Variants in SLC2A8 observed in about 807,000 individuals in gnomAD.
SLC2A8 encodes solute carrier family 2 member 8.
A neutral mutation model predicts 49.2 loss-of-function variants in SLC2A8; 53 were observed. The observed-to-expected ratio is 1.08, with a 90% CI of 0.86 to 1.35. The LOEUF is 1.35. Among genes scored for constraint, SLC2A8 ranks in the 40% most tolerant of loss-of-function variants. SLC2A8 has a pLI of 0.00. For synonymous variants in SLC2A8, 299 were observed against 297.0 expected, an observed-to-expected ratio of 1.01 and a Z score of -0.07; for missense variants, 688 against 671.7, an observed-to-expected ratio of 1.02 and a Z score of -0.27.
chr9:127,400,162 G>A (rs532347121), intron 4 of SLC2A8, among the ~76,000 whole-genome samples, 156 bp downstream of exon 4: 3 of 120,564 alleles, frequency 2.5e-5, no homozygotes, highest in South Asian at 6.5e-4. Flanking sequence ...TGGGATAGGT[G>A]AGTCTTTTTT....
intron 8 of SLC2A8, 103 bp from the exon 9 acceptor site, chr9:127,405,317 A>T: frequency 7.3e-7 from 1 of 1,373,980 alleles, no homozygotes; most frequent in Non-Finnish European, 9.9e-7. Context: ...CCGGGACCCC[A>T]CAGCCCCACA....
rs776994267 is a variant in SLC2A8, at chr9:127,404,028, A to T, written c.937A>T (p.Met313Leu). 6.2e-7 allele frequency: 1 copy of T among 1,605,792 alleles called. No individual in the cohort carries two copies. The highest frequency in any genetic ancestry group is 8.5e-7 in the Non-Finnish European group (1 of 1,174,366). The change falls in exon 7 of 10, where the codon ATG becomes TTG. Residue 313 changes from methionine to leucine, a missense_variant. Physicochemically the swap from Met to Leu is conservative, Grantham distance 15. Transcript: ENST00000373371. ...GTTCACAGCTGTGGCGGCTCTCATCATGGACAGAGCAGGGCGGAGGCTGCT... is the reference window on the plus strand; with the variant it reads ...GTTCACAGCTGTGGCGGCTCTCATCTTGGACAGAGCAGGGCGGAGGCTGCT... Reference protein sequence around the residue: ...VLFTAVAALIMDRAGRRLLLV... With the variant: ...VLFTAVAALILDRAGRRLLLV...
At position 127,407,449 on chromosome 9, in the gene SLC2A8, T is replaced by A. The variant is rs1588057377; in HGVS notation, c.*200T>A. On this transcript the variant is annotated 3_prime_UTR_variant, in exon 10 of 10. Coordinates refer to ENST00000373371, the MANE Select transcript of SLC2A8 (RefSeq NM_014580.5). ...CTCCTGTTCCAGCTCCTGCTGCTGC[T>A]CTGAGGACTCAGGAACACCTTCGAG... 1 of 722,080 alleles carries A rather than the reference T, an allele frequency of 1.4e-6. No homozygotes were observed. Among genetic ancestry groups the A allele is most frequent in the East Asian group, 2.8e-5 (1 of 35,504 alleles). The allele number at this position is 722,080 out of a possible 1,614,324, so 44.7% of individuals were successfully genotyped here.
At chr9:127,404,405 C>T (rs770420536) in intron 7 of SLC2A8, 4 of 329,290 alleles carry the variant, frequency 1.2e-5, no homozygotes, top group Non-Finnish European at 1.7e-5. Context: ...GAGCCTCAGT[C>T]TCCCCCTCTG....
At chr9:127,405,299 A>G in intron 8 of SLC2A8, 121 bp from the exon 9 acceptor site, 2 of 1,174,960 alleles carry the variant, frequency 1.7e-6, no homozygotes, top group Non-Finnish European at 2.4e-6. Context: ...GTGGGACCAC[A>G]CTGGGATCCG....
In SLC2A8 at chr9:127,399,983, G is replaced by T; in HGVS notation, c.503G>T (p.Gly168Val). The change falls in exon 4 of 10, where the codon GGC (glycine) becomes GTC (valine). Residue 168 changes from glycine (G) to valine (V), a missense_variant. Physicochemically the swap from Gly to Val is moderately radical, Grantham distance 109. Transcript: ENST00000373371. The surrounding 1 kb of genome is among the most constrained non-coding windows in gnomAD (Gnocchi z 4.2). Reference sequence around the variant, plus strand: ...TGTGTGCAGCTAATGGTCGTCGTCGGCATCCTCCTGGCCTACCTGGCAGGT... The same window carrying T: ...TGTGTGCAGCTAATGGTCGTCGTCGTCATCCTCCTGGCCTACCTGGCAGGT... ...GSCVQLMVVVGILLAYLAGWV... is the reference protein window; with the variant it reads ...GSCVQLMVVVVILLAYLAGWV... 6.2e-7 allele frequency: 1 copy of T among 1,613,522 alleles called. No homozygotes were observed. Among genetic ancestry groups the T allele is most frequent in the Non-Finnish European group, 8.5e-7 (1 of 1,179,650 alleles).
Position 127,397,925 on chromosome 9 carries a change from C to T in SLC2A8, c.240C>T (p.Ala80=), listed in dbSNP as rs753960992. 1.4e-3 allele frequency: 2,190 copies of T among 1,529,700 alleles called. 6 individuals are homozygous for T. The highest frequency in any genetic ancestry group is 1.5e-3 in the Non-Finnish European group (1,754 of 1,144,554). The allele number at this position is 1,529,700 out of a possible 1,614,324, so 94.8% of individuals were successfully genotyped here. A position where few individuals can be genotyped will look rare whatever the true frequency, so the allele number is the denominator to read the frequency against. Reference sequence around the variant, plus strand: ...TCCAGGCTGTCGTGACCCTGGGTGCCGCGGCGGGGGGAGTGCTGGGCGGCT... The same window carrying T: ...TCCAGGCTGTCGTGACCCTGGGTGCTGCGGCGGGGGGAGTGCTGGGCGGCT... The part of the protein sequence containing the change: ...SWFGAVVTLG[A]AAGGVLGGWL... Residue 80 remains alanine (A), a synonymous_variant, in exon 3 of 10, where the codon GCC becomes GCT. Coordinates refer to ENST00000373371, the MANE Select transcript of SLC2A8 (RefSeq NM_014580.5).
chr9:127,404,151 G>A (rs1331258842), intron 7 of SLC2A8, 84 bp downstream of exon 7: 3 of 915,886 alleles, frequency 3.3e-6, no homozygotes, highest in African/African-American at 3.3e-5. Context: ...GGAGGACAGG[G>A]AGCATTTGTG....
chr9:127,404,970 A>G lies in SLC2A8; in HGVS notation c.1129A>G (p.Ser377Gly). Residue 377 changes from serine (S) to glycine (G), a missense_variant, in exon 8 of 10, where the codon AGC becomes GGC. Ser to Gly is a moderately conservative substitution (Grantham distance 56). Transcript: ENST00000373371. ...GGGGCTGGCCTGGCTGGCCGTGGGC[A>G]GCATGTGCCTCTTCATCGCCGGTAA... is the stretch of plus-strand genomic sequence containing the variant. ...SVGLAWLAVGSMCLFIAGFAV... is the reference protein window; with the variant it reads ...SVGLAWLAVGGMCLFIAGFAV... The G allele has an allele frequency of 6.2e-7, 1 of 1,604,956 alleles. No individual in the cohort carries two copies. Among genetic ancestry groups the G allele is most frequent in the Non-Finnish European group, 8.5e-7 (1 of 1,175,956 alleles).
chr9:127,402,897 G>C (rs773537910), intron 5 of SLC2A8, 144 bp downstream of exon 5: 1 of 1,077,038 alleles, frequency 9.3e-7, no homozygotes, highest in Non-Finnish European at 1.3e-6. Context: ...GACAGGCCCA[G>C]TGTGTCCTGT....
rs1450449826 is a variant in SLC2A8, at chr9:127,398,085, TGCG to T, written c.402_404del (p.Gly135del). The T allele has an allele frequency of 2.2e-5, 35 of 1,584,422 alleles. No homozygotes were observed. Among genetic ancestry groups the T allele is most frequent in the Non-Finnish European group, 2.6e-5 (31 of 1,169,930 alleles). On this transcript the variant is annotated inframe_deletion, in exon 3 of 10. Coordinates refer to ENST00000373371, the MANE Select transcript of SLC2A8 (RefSeq NM_014580.5). ...GGGCCGCCTCCTCACCGGCCTGGCC[TGCG>T]GTGTTGCCTCCCTAGTGGCCCCGGT...
chr9:127,397,235 C>G lies in SLC2A8; in HGVS notation c.5C>G (p.Thr2Arg). 6.9e-7 allele frequency: 1 copy of G among 1,455,736 alleles called. No homozygotes were observed. The highest frequency in any genetic ancestry group is 2.7e-5 in the Admixed American group (1 of 37,226). 90.2% of individuals were successfully genotyped at this position (1,455,736 alleles called of 1,614,324 possible). A position where few individuals can be genotyped will look rare whatever the true frequency, so the allele number is the denominator to read the frequency against. Residue 2 changes from threonine (T) to arginine (R), a missense_variant, in exon 1 of 10, where the codon ACG becomes AGG. Thr to Arg is a moderately conservative substitution (Grantham distance 71). Coordinates refer to ENST00000373371, the MANE Select transcript of SLC2A8 (RefSeq NM_014580.5). MTPEDPEETQPL... is the reference protein window; with the variant it reads MRPEDPEETQPL... ...CGATCGGCGTTGGCCGCCGACATGA[C>G]GCCCGAGGACCCAGAGGAAACCCAG...
intron 5 of SLC2A8, chr9:127,403,390 T>C: frequency 1.9e-6 from 1 of 517,888 alleles, no homozygotes; most frequent in Non-Finnish European, 3.5e-6. Context: ...GTGGCAGGGA[T>C]GAGGGCAGCA....
In SLC2A8 at chr9:127,399,771, G is replaced by A. The variant is rs1159997479; in HGVS notation, c.427-136G>A. The A allele has an allele frequency of 2.4e-5, 15 of 613,346 alleles. No homozygotes were observed. Among genetic ancestry groups the A allele is most frequent in the South Asian group, 5.5e-5 (3 of 54,710 alleles). 38.0% of individuals were successfully genotyped at this position (613,346 alleles called of 1,614,324 possible). A position where few individuals can be genotyped will look rare whatever the true frequency, so the allele number is the denominator to read the frequency against. Reference sequence around the variant, plus strand: ...TAATTTTGTATTTTTAGTAGAGATGGGGTTTCTCCCTGTTGGTCAGGCCAG... The same window carrying A: ...TAATTTTGTATTTTTAGTAGAGATGAGGTTTCTCCCTGTTGGTCAGGCCAG... On this transcript the variant is annotated intron_variant, in intron 3 of 9. Transcript: ENST00000373371. This position sits in a 1 kb window ranked among gnomAD's most constrained non-coding sequence, Gnocchi z 4.2.
At position 127,399,255 on chromosome 9, in the gene SLC2A8, C is replaced by T. The variant is rs1833174707; in HGVS notation, c.427-652C>T. Among the ~76,000 whole-genome samples, 1 of 152,238 alleles carries T rather than the reference C, an allele frequency of 6.6e-6. No individual in the cohort carries two copies. The highest frequency in any genetic ancestry group is 2.4e-5 in the African/African-American group (1 of 41,464). Reference sequence around the variant, plus strand: ...TGGTTAACAAGGTGGAATCTTTCGCCTGTCCAGACCTACTGCATCGGAATC... The same window carrying T: ...TGGTTAACAAGGTGGAATCTTTCGCTTGTCCAGACCTACTGCATCGGAATC... On this transcript the variant is annotated intron_variant, in intron 3 of 9. Transcript: ENST00000373371. The surrounding 1 kb of genome is among the most constrained non-coding windows in gnomAD (Gnocchi z 4.2).
chr9:127,407,278 CTG>C lies in SLC2A8; in HGVS notation c.*32_*33del, dbSNP rs1332634994. On this transcript the variant is annotated 3_prime_UTR_variant, in exon 10 of 10. Transcript: ENST00000373371. ...CCACTCACTAGGGGATGGAGCAAGC[CTG>C]TGACTCCAAGCTGGGCCCAAGCCCA... is the stretch of plus-strand genomic sequence containing the variant. The C allele has an allele frequency of 1.9e-6, 3 of 1,611,968 alleles. No individual in the cohort carries two copies. The African/African-American group carries it at 4.0e-5, about 22-fold the overall frequency.
In SLC2A8 at chr9:127,397,661, C is replaced by G. The variant is rs532371218; in HGVS notation, c.219+123C>G. ...AGGCATCGGGCCCCGCCGCCACCAC[C>G]TTTCCCCACGAGACAGGCATTGGGC... On this transcript the variant is annotated intron_variant, in intron 2 of 9. Coordinates refer to ENST00000373371, the MANE Select transcript of SLC2A8 (RefSeq NM_014580.5). 253 of 1,294,242 alleles carry G rather than the reference C, an allele frequency of 2.0e-4. No individual in the cohort carries two copies. In the African/African-American group the frequency reaches 3.8e-3, roughly 19 times the overall value. The allele number at this position is 1,294,242 out of a possible 1,614,324, so 80.2% of individuals were successfully genotyped here.
intron 3 of SLC2A8, among the ~76,000 whole-genome samples, chr9:127,398,615 C>T (rs1178490300): frequency 6.6e-6 from 1 of 152,214 alleles, no homozygotes; most frequent in Non-Finnish European, 1.5e-5. Flanking sequence ...CCCCATCTTC[C>T]CCCTTTCCCC....
intron 4 of SLC2A8, among the ~76,000 whole-genome samples, 160 bp downstream of exon 4, chr9:127,400,166 CTTTTTTTT>C (rs796202714): frequency 8.6e-6 from 1 of 116,834 alleles, no homozygotes; most frequent in Admixed American, 8.4e-5. Flanking sequence ...ATAGGTGAGT[CTTTTTTTT>C]TTTTTTTTTG....
Sources: allele counts gnomAD v4.1 joint callset (sites outside exome capture counted in the v4.1 genomes callset), GRCh38; gene constraint gnomAD v4.1.1; non-coding constraint Gnocchi (gnomAD v3.1); transcripts MANE v1.5; gene names NCBI Gene and HGNC (gene_info 2026-07-23, HGNC 2026-07-21).